The following CIDEC variants were observed in gnomAD, a reference collection of about 807,000 sequenced individuals.
CIDEC encodes the protein cell death inducing DFFA like effector c.
Under a neutral mutation model 21.9 loss-of-function variants are expected in CIDEC, and 11 were observed. The ratio of observed to expected loss-of-function variants is 0.50; its 90% CI spans 0.32 to 0.83. The LOEUF is 0.83. CIDEC is among the 40% of genes least tolerant of loss of function. The probability of loss-of-function intolerance (pLI) is 0.04; values close to 1 mark genes in which losing one functional copy is unlikely to be tolerated. For missense variants in CIDEC, 302 were observed against 302.3 expected (o/e 1.00, Z 0.01); for synonymous variants, 127 against 124.9 (o/e 1.02, Z -0.11).
At chr3:9,874,053 G>A (rs1186118927) in intron 4 of CIDEC, among the ~76,000 whole-genome samples, 1 of 152,124 alleles carries the variant, frequency 6.6e-6, no homozygotes, top group Non-Finnish European at 1.5e-5. Context: ...AATACAAGAT[G>A]AGCCTGTAAT....
chr3:9,878,872 G>T (rs759708837), intron 2 of CIDEC, 70 bp downstream of exon 2: 118 of 1,485,730 alleles, frequency 7.9e-5, no homozygotes, highest in Non-Finnish European at 1.0e-4. Context: ...TGTCCATGGG[G>T]ACAGAGTCCA....
intron 4 of CIDEC, among the ~76,000 whole-genome samples, chr3:9,873,246 C>G (rs2082374462): frequency 6.6e-6 from 1 of 152,094 alleles, no homozygotes; most frequent in African/African-American, 2.4e-5. Flanking sequence ...ACTTACTTCT[C>G]TGAACTAGTT....
intron 4 of CIDEC, among the ~76,000 whole-genome samples, chr3:9,873,122 G>T (rs1034508155): frequency 1.3e-5 from 2 of 151,780 alleles, no homozygotes; most frequent in Admixed American, 6.6e-5. Context: ...CCCTTTGGTC[G>T]CTCTGCTTTG....
At chr3:9,878,898 A>T in intron 2 of CIDEC, 44 bp downstream of exon 2, 1 of 1,306,626 alleles carries the variant, frequency 7.7e-7, no homozygotes, top group Non-Finnish European at 1.1e-6. Context: ...CGCTGGCAGG[A>T]GGTGAGTCAC....
intron 3 of CIDEC, chr3:9,878,071 A>C (rs1260977006): frequency 8.7e-6 from 2 of 228,892 alleles, no homozygotes. Context: ...TGGCTCCCTC[A>C]TGGATTTGCT....
chr3:9,871,096 G>C (rs904273585), intron 4 of CIDEC, among the ~76,000 whole-genome samples: 5 of 150,994 alleles, frequency 3.3e-5, no homozygotes, highest in Non-Finnish European at 5.9e-5. Flanking sequence ...GTTTTTATAT[G>C]AACATATGTT....
In CIDEC at chr3:9,870,295, T is replaced by A; in HGVS notation, c.235A>T (p.Lys79Ter). Residue 79 changes from lysine (K) to a stop codon, truncating the protein, a stop_gained, in exon 5 of 7, where the codon AAG becomes TAG. Transcript: ENST00000336832. LOFTEE classifies it high-confidence loss of function. The stretch of plus-strand genomic sequence containing the variant: ...TCCTCCAGCACCAGGAAGAAGGGCT[T>A]GTCTGCCAGCATCAGAGTGTCCCGG... Reference protein sequence around the residue: ...KVRDTLMLADKPFFLVLEEDG... With the variant: ...KVRDTLMLAD 1 of 1,614,010 alleles carries A rather than the reference T, an allele frequency of 6.2e-7. No individual in the cohort carries two copies. The highest frequency in any genetic ancestry group is 8.5e-7 in the Non-Finnish European group (1 of 1,180,020).
At chr3:9,868,877 A>T (rs1467711010) in intron 6 of CIDEC, among the ~76,000 whole-genome samples, 1 of 150,998 alleles carries the variant, frequency 6.6e-6, no homozygotes, top group Admixed American at 6.6e-5. Flanking sequence ...AGTACACAGT[A>T]GTATGGTCAT....
chr3:9,874,518 AAATAAT>A (rs56760493), intron 4 of CIDEC, among the ~76,000 whole-genome samples: 17,003 of 143,916 alleles, frequency 0.12, 1,116 homozygotes, highest in Non-Finnish European at 0.14. Context: ...CCTTTCTCTA[AAATAAT>A]AATAATAATA....
intron 4 of CIDEC, among the ~76,000 whole-genome samples, chr3:9,871,202 G>A (rs906245053): frequency 4.9e-5 from 7 of 142,932 alleles, no homozygotes; most frequent in Non-Finnish European, 9.1e-5. Flanking sequence ...TTTCTGGGGA[G>A]AAGGCCTTGC....
chr3:9,869,793 G>A, intron 6 of CIDEC, 89 bp downstream of exon 6: 1 of 1,231,830 alleles, frequency 8.1e-7, no homozygotes, highest in Non-Finnish European at 1.2e-6. Flanking sequence ...CCAGACCCAG[G>A]CGCTGAGAAG....
chr3:9,866,815 A>C lies in CIDEC; in HGVS notation c.*319T>G, dbSNP rs2082275223. The C allele has an allele frequency of 6.8e-6, 4 of 585,308 alleles. No homozygotes were observed. The Admixed American group carries it at 1.2e-4, about 17-fold the overall frequency. 36.3% of individuals were successfully genotyped at this position (585,308 alleles called of 1,614,324 possible). A position where few individuals can be genotyped will look rare whatever the true frequency, so the allele number is the denominator to read the frequency against. On this transcript the variant is annotated 3_prime_UTR_variant, in exon 7 of 7. Coordinates refer to ENST00000336832, the MANE Select transcript of CIDEC (RefSeq NM_001321142.2). ...GGATGGGGGCCAGAAGGTAGAGAGC[A>C]CCATGAAAGTACAGCCTGCGAGGCC...
chr3:9,877,621 C>G (rs1404238972), intron 3 of CIDEC, among the ~76,000 whole-genome samples: 1 of 152,070 alleles, frequency 6.6e-6, no homozygotes, highest in African/African-American at 2.4e-5. Context: ...GATGGTGCCA[C>G]TGCACTCCAG....
Position 9,870,015 on chromosome 3 carries a change from C to T in CIDEC, c.421G>A (p.Ala141Thr), listed in dbSNP as rs201272786. 9.3e-6 allele frequency: 15 copies of T among 1,614,164 alleles called. No homozygotes were observed. In the East Asian group the frequency reaches 3.1e-4, roughly 34 times the overall value. Reference sequence around the variant, plus strand: ...TTGTACAGATCAAACGTTACACGGGCCACATCAATCTTCTTGGCAGGCTTA... The same window carrying T: ...TTGTACAGATCAAACGTTACACGGGTCACATCAATCTTCTTGGCAGGCTTA... ...SHKPAKKIDV[A>T]RVTFDLYKLN... Residue 141 changes from alanine (A) to threonine (T), a missense_variant, in exon 6 of 7, where the codon GCC becomes ACC. Ala to Thr is a moderately conservative substitution (Grantham distance 58, BLOSUM62 0). Transcript: ENST00000336832.
At position 9,877,107 on chromosome 3, in the gene CIDEC, T is replaced by C. The variant is rs1234320340; in HGVS notation, c.166A>G (p.Lys56Glu). Residue 56 changes from lysine (K) to glutamate (E), a missense_variant, in exon 4 of 7, where the codon AAG becomes GAG. By Grantham distance (56) the Lys-to-Glu change is moderately conservative. Transcript: ENST00000336832. ...RVSTADRSVR[K>E]GIMAYSLEDL... The stretch of plus-strand genomic sequence containing the variant: ...TCAAGACTGTAAGCCATGATGCCCT[T>C]CCTCACGCTTCGATCCGCCGTGCTT... 2 of 1,553,294 alleles carry C rather than the reference T, an allele frequency of 1.3e-6. No homozygotes were observed. Among genetic ancestry groups the C allele is most frequent in the South Asian group, 1.2e-5 (1 of 84,136 alleles).
intron 4 of CIDEC, among the ~76,000 whole-genome samples, chr3:9,875,878 G>T (rs1409809899): frequency 1.3e-5 from 2 of 152,186 alleles, no homozygotes; most frequent in Non-Finnish European, 2.9e-5. Context: ...GATGCAGGGG[G>T]TGCCCAGACC....
At chr3:9,870,830 G>A (rs148412540) in intron 4 of CIDEC, among the ~76,000 whole-genome samples, 107 of 152,134 alleles carry the variant, frequency 7.0e-4, no homozygotes, top group African/African-American at 1.7e-3. Context: ...TTTAAAGATG[G>A]TGTCTGGCTA....
chr3:9,871,246 A>C (rs1392039231), intron 4 of CIDEC, among the ~76,000 whole-genome samples: 2 of 144,332 alleles, frequency 1.4e-5, no homozygotes, highest in Non-Finnish European at 3.0e-5. Flanking sequence ...TGGTATAATC[A>C]CAGCTCACTG....
intron 4 of CIDEC, 164 bp from the exon 5 acceptor site, chr3:9,870,486 T>C: frequency 6.6e-7 from 1 of 1,526,592 alleles, no homozygotes; most frequent in Non-Finnish European, 8.8e-7. Flanking sequence ...TAGAATAATA[T>C]TGTCCAATAA....
Sources: allele counts gnomAD v4.1 joint callset (sites outside exome capture counted in the v4.1 genomes callset), GRCh38; gene constraint gnomAD v4.1.1; transcripts MANE v1.5; gene names NCBI Gene and HGNC (gene_info 2026-07-23, HGNC 2026-07-21).